INSC: variants seen among roughly 807,000 people sequenced by gnomAD.
The protein encoded by INSC is protein inscuteable homolog.
In INSC, 67 loss-of-function variants were observed where a neutral mutation model predicts 58.6. The observed-to-expected ratio is 1.14, with a 90% CI of 0.94 to 1.40. The LOEUF is 1.40. INSC is among the 40% of genes most tolerant of loss of function. INSC has a pLI of 0.00. For missense variants in INSC, 714 were observed against 692.0 expected, an observed-to-expected ratio of 1.03 and a Z score of -0.36; for synonymous variants, 262 against 276.1, an observed-to-expected ratio of 0.95 and a Z score of 0.51.
chr11:15,175,998 G>A lies in INSC; in HGVS notation c.314G>A (p.Ser105Asn), dbSNP rs1238415501. 1 of 1,604,666 alleles carries A rather than the reference G, an allele frequency of 6.2e-7. No homozygotes were observed. Among genetic ancestry groups the A allele is most frequent in the Non-Finnish European group, 8.5e-7 (1 of 1,175,454 alleles). Residue 105 changes from serine to asparagine, a missense_variant, in exon 3 of 13, where the codon AGC becomes AAC. Coordinates refer to ENST00000379556, the MANE Select transcript of INSC (RefSeq NM_001042536.3). ...LAQDRWARVH[S>N]MSVRLTCHAR... ...CAGGACCGCTGGGCACGGGTGCACAGCATGAGCGTGCGTCTGACCTGCCAT... is the reference window on the plus strand; with the variant it reads ...CAGGACCGCTGGGCACGGGTGCACAACATGAGCGTGCGTCTGACCTGCCAT...
chr11:15,221,352 G>A (rs1851431056), intron 7 of INSC, 125 bp from the exon 8 acceptor site: 2 of 1,110,014 alleles, frequency 1.8e-6, no homozygotes, highest in African/African-American at 1.6e-5. Context: ...GGGGTCCTGG[G>A]CTGTTCTGGG....
intron 2 of INSC, among the ~76,000 whole-genome samples, chr11:15,172,537 C>A (rs980538659): frequency 6.6e-6 from 1 of 152,216 alleles, no homozygotes; most frequent in Non-Finnish European, 1.5e-5. Context: ...GTTACTAGTG[C>A]CCCACTGAAG....
intron 7 of INSC, among the ~76,000 whole-genome samples, 171 bp from the exon 8 acceptor site, chr11:15,221,306 G>A (rs1164217353): frequency 2.0e-5 from 3 of 152,124 alleles, no homozygotes; most frequent in Non-Finnish European, 4.4e-5. Context: ...GAGTCATTAT[G>A]AGGGCCTTAT....
intron 2 of INSC, among the ~76,000 whole-genome samples, chr11:15,155,074 C>T (rs1251602367): frequency 6.6e-6 from 1 of 152,062 alleles, no homozygotes; most frequent in African/African-American, 2.4e-5. Flanking sequence ...GGGTGCCCTG[C>T]CTTGATGGAA....
At chr11:15,113,871 G>A (rs1229553363), upstream of INSC, among the ~76,000 whole-genome samples, 1 of 152,194 alleles carries the variant, frequency 6.6e-6, no homozygotes, top group Non-Finnish European at 1.5e-5. Context: ...GCTGCAGTGG[G>A]ACCTCGGCGT....
At chr11:15,149,904 C>T (rs973939836) in intron 2 of INSC, among the ~76,000 whole-genome samples, 4 of 152,126 alleles carry the variant, frequency 2.6e-5, no homozygotes, top group African/African-American at 9.7e-5. Context: ...TACATGAAAA[C>T]GATTTAGGAA....
the INSC span, among the ~76,000 whole-genome samples, chr11:15,262,396 T>C: frequency 6.6e-6 from 1 of 152,086 alleles, no homozygotes; most frequent in East Asian, 1.9e-4. Flanking sequence ...CCTTGCATAA[T>C]ACTTTTGGAT....
At chr11:15,209,386 C>T (rs1564904715) in intron 7 of INSC, among the ~76,000 whole-genome samples, 2 of 152,228 alleles carry the variant, frequency 1.3e-5, no homozygotes, top group African/African-American at 4.8e-5. Context: ...AATTTCTCCA[C>T]CAAAGGTCTT....
rs116787165 is a variant in INSC at position 15,236,325 on chromosome 11, G to A, written c.1237+657G>A. Among the ~76,000 whole-genome samples the A allele has an allele frequency of 2.7e-3, 404 of 152,162 alleles. 3 individuals carry two copies. Among genetic ancestry groups the A allele is most frequent in the African/African-American group, 9.3e-3 (386 of 41,486 alleles). On this transcript the variant is annotated intron_variant, in intron 10 of 12. Transcript: ENST00000379556. ...GGGTGGTGGTTGCTATTTTAATAGG[G>A]TCATGAGGAGAAGGCAAATATTTCA... is the stretch of plus-strand genomic sequence containing the variant.
At chr11:15,229,999 A>G (rs1377688761) in intron 9 of INSC, among the ~76,000 whole-genome samples, 15 of 25,670 alleles carry the variant, frequency 5.8e-4, no homozygotes, top group African/African-American at 2.4e-3. Context: ...ATATATATAT[A>G]TATATATATA....
At chr11:15,170,659 C>A (rs527704043) in intron 2 of INSC, among the ~76,000 whole-genome samples, 34 of 152,278 alleles carry the variant, frequency 2.2e-4, no homozygotes, top group African/African-American at 7.5e-4. Context: ...TTATTTCTCC[C>A]TTTTCTATAC....
intron 7 of INSC, among the ~76,000 whole-genome samples, chr11:15,212,175 C>G (rs1389518847): frequency 6.6e-6 from 1 of 152,094 alleles, no homozygotes; most frequent in Admixed American, 6.5e-5. Flanking sequence ...GATTCTAGCT[C>G]ACTGCAACCT....
chr11:15,158,864 T>G (rs908398797), intron 2 of INSC, among the ~76,000 whole-genome samples: 2 of 97,074 alleles, frequency 2.1e-5, no homozygotes, highest in East Asian at 2.1e-4. Context: ...TTGGTGGTTT[T>G]TTTTTTTTTT....
intron 5 of INSC, among the ~76,000 whole-genome samples, chr11:15,179,985 A>ACGCCTGTAATTCCAGCACTTTGGGAGCG (rs1849705086): frequency 6.6e-6 from 1 of 152,042 alleles, no homozygotes; most frequent in African/African-American, 2.4e-5. Flanking sequence ...GGCTGGACGC[A>ACGCCTGTAATTCCAGCACTTTGGGAGCG]GTGGCTCACG....
chr11:15,217,482 T>C (rs1026389477), intron 7 of INSC, among the ~76,000 whole-genome samples: 9 of 152,164 alleles, frequency 5.9e-5, no homozygotes, highest in African/African-American at 2.2e-4. Context: ...CTAATGTCTG[T>C]GCATGTTCTG....
At chr11:15,254,852 A>G in the INSC span, among the ~76,000 whole-genome samples, 1 of 152,222 alleles carries the variant, frequency 6.6e-6, no homozygotes, top group Non-Finnish European at 1.5e-5. Context: ...CACCTAGGAA[A>G]GAAGAAACAG....
At chr11:15,253,599 G>T in the INSC span, among the ~76,000 whole-genome samples, 1 of 149,970 alleles carries the variant, frequency 6.7e-6, no homozygotes, top group African/African-American at 2.4e-5. Flanking sequence ...GTTGGACACT[G>T]AATGGAAAAC....
chr11:15,207,277 A>G (rs1478186668), intron 7 of INSC, among the ~76,000 whole-genome samples: 5 of 152,198 alleles, frequency 3.3e-5, no homozygotes, highest in Non-Finnish European at 7.3e-5. Context: ...CTCACTTTCA[A>G]AAAGCATCCT....
intron 1 of INSC, among the ~76,000 whole-genome samples, chr11:15,129,931 T>C (rs1848087363): frequency 6.6e-6 from 1 of 152,170 alleles, no homozygotes; most frequent in African/African-American, 2.4e-5. Context: ...CAGCCCTGTG[T>C]TGGGGTGGCT....
Sources: allele counts gnomAD v4.1 joint callset (sites outside exome capture counted in the v4.1 genomes callset), GRCh38; gene constraint gnomAD v4.1.1; transcripts MANE v1.5; gene names NCBI Gene and HGNC (gene_info 2026-07-23, HGNC 2026-07-21).